The following MTHFD2L variants were observed in gnomAD, a reference collection of about 807,000 sequenced individuals.
MTHFD2L encodes the protein bifunctional methylenetetrahydrofolate dehydrogenase/cyclohydrolase 2, mitochondrial.
A neutral mutation model predicts 34.9 loss-of-function variants in MTHFD2L; 29 were observed. That is an observed-to-expected ratio of 0.83 (90% CI 0.62 to 1.13). The LOEUF is 1.13. MTHFD2L is among the 50% of genes most tolerant of loss of function. The probability of loss-of-function intolerance (pLI) is 0.00; values close to 1 mark genes in which losing one functional copy is unlikely to be tolerated. For synonymous variants in MTHFD2L, 167 were observed against 155.7 expected (o/e 1.07, Z -0.54); for missense variants, 481 against 446.5 (o/e 1.08, Z -0.70).
intron 1 of MTHFD2L, among the ~76,000 whole-genome samples, chr4:74,170,750 TG>T (rs1222182856): frequency 6.6e-6 from 1 of 151,760 alleles, no homozygotes; most frequent in Non-Finnish European, 1.5e-5. Context: ...AACGAAAGAC[TG>T]GATTAAGAAA....
At chr4:74,260,993 A>G (rs1219208262) in intron 6 of MTHFD2L, among the ~76,000 whole-genome samples, 1 of 143,516 alleles carries the variant, frequency 7.0e-6, no homozygotes, top group Non-Finnish European at 1.5e-5. Context: ...AATAAAGGGT[A>G]TCAACTGAAA....
At chr4:74,193,089 T>G (rs1160082728) in intron 3 of MTHFD2L, among the ~76,000 whole-genome samples, 3 of 152,210 alleles carry the variant, frequency 2.0e-5, no homozygotes, top group Non-Finnish European at 4.4e-5. Context: ...CTTTTATGTT[T>G]AGATTTCTAA....
chr4:74,195,104 G>C (rs919556054), intron 3 of MTHFD2L: 1 of 152,222 alleles, frequency 6.6e-6, no homozygotes, highest in African/African-American at 2.4e-5. Context: ...GAAAGCTATA[G>C]CTAAGGTGGC....
intron 6 of MTHFD2L, among the ~76,000 whole-genome samples, chr4:74,249,822 G>T (rs1743049981): frequency 6.6e-6 from 1 of 152,138 alleles, no homozygotes; most frequent in African/African-American, 2.4e-5. Context: ...ACTCTCTTCT[G>T]GCTCGTAGAG....
At chr4:74,116,036 T>G (rs919070252) in intron 2 of MTHFD2L, among the ~76,000 whole-genome samples, 15 of 152,202 alleles carry the variant, frequency 9.9e-5, no homozygotes, top group African/African-American at 3.6e-4. Flanking sequence ...TGTCTAGGAT[T>G]GATATAAAGT....
intron 6 of MTHFD2L, among the ~76,000 whole-genome samples, chr4:74,254,894 G>A (rs984246179): frequency 5.1e-4 from 77 of 151,978 alleles, no homozygotes; most frequent in African/African-American, 1.8e-3. Flanking sequence ...TAGCACTTTG[G>A]GAGGCCGAGG....
At chr4:74,191,299 C>T (rs913165189) in intron 3 of MTHFD2L, among the ~76,000 whole-genome samples, 7 of 151,388 alleles carry the variant, frequency 4.6e-5, no homozygotes, top group Non-Finnish European at 1.0e-4. Context: ...ATTGAATTTT[C>T]AAGGGCATTG....
At chr4:74,226,946 A>G (rs1227201591) in intron 6 of MTHFD2L, among the ~76,000 whole-genome samples, 1 of 152,128 alleles carries the variant, frequency 6.6e-6, no homozygotes, top group Non-Finnish European at 1.5e-5. Context: ...AGATTGATTG[A>G]TTGGTGAAGA....
At chr4:74,248,235 G>C (rs1265449647) in intron 6 of MTHFD2L, among the ~76,000 whole-genome samples, 1 of 151,954 alleles carries the variant, frequency 6.6e-6, no homozygotes, top group Non-Finnish European at 1.5e-5. Flanking sequence ...AGGAATTTAT[G>C]CATTTCTTCT....
At chr4:74,207,266 G>C (rs1401005664) in intron 5 of MTHFD2L, among the ~76,000 whole-genome samples, 1 of 152,114 alleles carries the variant, frequency 6.6e-6, no homozygotes, top group African/African-American at 2.4e-5. Context: ...CTTCTAATTA[G>C]GTGAGATTTC....
chr4:74,267,136 C>T (rs1190607583), intron 6 of MTHFD2L: 1 of 984,990 alleles, frequency 1.0e-6, no homozygotes, highest in African/African-American at 1.7e-5. Flanking sequence ...ATGTTTGAAA[C>T]CCATTCCATT....
intron 1 of MTHFD2L, among the ~76,000 whole-genome samples, chr4:74,148,766 A>G (rs905496138): frequency 6.6e-6 from 1 of 151,848 alleles, no homozygotes; most frequent in South Asian, 2.1e-4. Flanking sequence ...ATCGAGAGTC[A>G]TAAACATGAA....
intron 2 of MTHFD2L, among the ~76,000 whole-genome samples, chr4:74,115,233 C>T (rs1578210746): frequency 6.6e-6 from 1 of 152,314 alleles, no homozygotes; most frequent in South Asian, 2.1e-4. Context: ...GAGACTGCGA[C>T]AGAAATTCCA....
chr4:74,125,195 G>A (rs749717311), upstream of MTHFD2L, among the ~76,000 whole-genome samples: 5 of 152,080 alleles, frequency 3.3e-5, no homozygotes, highest in Non-Finnish European at 5.9e-5. Flanking sequence ...GCAACTCCAG[G>A]TACATGTTGA....
chr4:74,187,483 A>G (rs1731515084), intron 3 of MTHFD2L, among the ~76,000 whole-genome samples: 1 of 152,214 alleles, frequency 6.6e-6, no homozygotes, highest in Non-Finnish European at 1.5e-5. Context: ...AAGAAGAAAT[A>G]CAAATGGTAA....
chr4:74,251,219 C>A (rs1289113751), intron 6 of MTHFD2L, among the ~76,000 whole-genome samples: 3 of 152,158 alleles, frequency 2.0e-5, no homozygotes, highest in East Asian at 1.9e-4. Flanking sequence ...TACATTCAGT[C>A]ATGGTTTTTT....
intron 7 of MTHFD2L, among the ~76,000 whole-genome samples, chr4:74,285,459 G>A (rs927006728): frequency 6.6e-5 from 10 of 151,982 alleles, no homozygotes; most frequent in Non-Finnish European, 1.5e-4. Context: ...AAACACTTCA[G>A]TTCTCAATGT....
intron 3 of MTHFD2L, among the ~76,000 whole-genome samples, chr4:74,181,377 C>A (rs768160194): frequency 6.6e-6 from 1 of 152,124 alleles, no homozygotes; most frequent in Non-Finnish European, 1.5e-5. Flanking sequence ...TACAATAAAT[C>A]ATTTATTACT....
chr4:74,174,405 C>A, intron 1 of MTHFD2L, 101 bp from the exon 2 acceptor site: 1 of 926,628 alleles, frequency 1.1e-6, no homozygotes, highest in Non-Finnish European at 1.4e-6. Flanking sequence ...ATTTTGGGTG[C>A]TTGGAGAATC....
Sources: gnomAD v4.1 joint callset for allele counts (sites outside exome capture counted in the v4.1 genomes callset) on GRCh38, gnomAD v4.1.1 for gene constraint, MANE v1.5 for transcripts, NCBI Gene and HGNC (gene_info 2026-07-23, HGNC 2026-07-21) for gene names.